DPF3: variants seen among roughly 807,000 people sequenced by gnomAD.
DPF3 encodes the protein double PHD fingers 3.
DPF3 carries 18 observed loss-of-function variants against 56.8 expected under a neutral mutation model. That is an observed-to-expected ratio of 0.32 (90% CI 0.22 to 0.47). DPF3 has a LOEUF of 0.47. Ranked by LOEUF, DPF3 falls within the 20% of genes least tolerant of loss-of-function variation. The pLI is 1.00. For synonymous variants in DPF3, 188 were observed against 180.2 expected (o/e 1.04, Z -0.35); for missense variants, 403 against 488.8 (o/e 0.82, Z 1.65).
intron 1 of DPF3, among the ~76,000 whole-genome samples, chr14:72,862,160 C>G (rs1885463624): frequency 6.6e-6 from 1 of 152,150 alleles, no homozygotes; most frequent in Non-Finnish European, 1.5e-5. Flanking sequence ...TTATAGCAAC[C>G]AGTTTGCATC....
At chr14:72,636,552 G>C (rs1054098813) in intron 8 of DPF3, among the ~76,000 whole-genome samples, 1 of 152,128 alleles carries the variant, frequency 6.6e-6, no homozygotes, top group African/African-American at 2.4e-5. Flanking sequence ...AGGAGGCTCA[G>C]TCATTATATT....
chr14:72,657,716 G>A (rs530764024), intron 8 of DPF3, among the ~76,000 whole-genome samples: 2 of 152,184 alleles, frequency 1.3e-5, no homozygotes, highest in South Asian at 4.2e-4. Context: ...GCCAAATCTG[G>A]CCAACTGCTT....
intron 1 of DPF3, among the ~76,000 whole-genome samples, chr14:72,863,100 A>ATATATATATATATATATGTG (rs1413440131): frequency 9.0e-6 from 1 of 110,624 alleles, no homozygotes; most frequent in African/African-American, 3.5e-5. Context: ...ATATATATAT[A>ATATATATATATATATATGTG]TGTGTGTGTA....
intron 2 of DPF3, among the ~76,000 whole-genome samples, chr14:72,757,932 T>A (rs1050045327): frequency 3.3e-5 from 5 of 151,984 alleles, no homozygotes; most frequent in African/African-American, 9.7e-5. Flanking sequence ...TGTGTTTGCA[T>A]GTTTTTTTTT....
intron 4 of DPF3, among the ~76,000 whole-genome samples, chr14:72,729,684 C>T (rs1289205541): frequency 6.6e-6 from 1 of 152,170 alleles, no homozygotes; most frequent in Non-Finnish European, 1.5e-5. Context: ...GAAAAGGCAA[C>T]ATACTGTGAG....
At chr14:72,861,799 G>GAAAGA (rs1458211109) in intron 1 of DPF3, among the ~76,000 whole-genome samples, 1 of 146,652 alleles carries the variant, frequency 6.8e-6, no homozygotes, top group Non-Finnish European at 1.5e-5. Context: ...AAGAAAGAAA[G>GAAAGA]AAAGAAGGAA....
At chr14:72,711,634 C>T (rs1422932633) in intron 6 of DPF3, among the ~76,000 whole-genome samples, 2 of 152,032 alleles carry the variant, frequency 1.3e-5, no homozygotes, top group Non-Finnish European at 2.9e-5. Flanking sequence ...TGGGGTGGGG[C>T]CCTAAGTCAA....
rs1482317259 is a variant in DPF3 at position 72,616,766 on chromosome 14, T to G, written c.*2531A>C. Among the ~76,000 whole-genome samples the G allele has an allele frequency of 6.6e-6, 1 of 152,208 alleles. No homozygotes were observed. The highest frequency in any genetic ancestry group is 1.5e-5 in the Non-Finnish European group (1 of 68,048). ...CATGCATCCTATGATTCTATCTCAT[T>G]CTCTGGGGTTCAAAAAAAAGAGACC... On this transcript the variant is annotated 3_prime_UTR_variant, in exon 11 of 11. Coordinates refer to ENST00000556509, the MANE Select transcript of DPF3 (RefSeq NM_001280542.3).
chr14:72,756,787 T>C (rs1285957991), intron 2 of DPF3, among the ~76,000 whole-genome samples: 1 of 133,992 alleles, frequency 7.5e-6, no homozygotes, highest in Non-Finnish European at 1.5e-5. Context: ...CTCCAGCCTA[T>C]ATGACAGAGC....
At position 72,609,725 on chromosome 14, in the gene DPF3, G is replaced by A. The variant is rs1222260394; in HGVS notation, c.*9572C>T. 1.3e-5 allele frequency among the ~76,000 whole-genome samples: 2 copies of A among 152,186 alleles called. No homozygotes were observed. Among genetic ancestry groups the A allele is most frequent in the Admixed American group, 6.5e-5 (1 of 15,282 alleles). ...GGACAGCTAACGGGGTGGGAGGTGG[G>A]AGCTTTTTGTTTGTCTGTTGCTGTC... On this transcript the variant is annotated 3_prime_UTR_variant, in exon 11 of 11. Transcript: ENST00000556509.
At chr14:72,736,281 G>T (rs1166127769) in intron 3 of DPF3, among the ~76,000 whole-genome samples, 13 of 152,118 alleles carry the variant, frequency 8.5e-5, no homozygotes, top group Admixed American at 6.5e-4. Context: ...AGTCTGGTGG[G>T]TATTTTCCAT....
chr14:72,892,474 A>C, intron 1 of DPF3: 1 of 1,425,962 alleles, frequency 7.0e-7, no homozygotes, highest in Non-Finnish European at 9.1e-7. Flanking sequence ...GCTTTCATAT[A>C]AATATATTTG....
intron 1 of DPF3, among the ~76,000 whole-genome samples, chr14:72,818,999 T>C (rs1883413211): frequency 6.6e-6 from 1 of 152,130 alleles, no homozygotes; most frequent in Non-Finnish European, 1.5e-5. Context: ...CCAGAATATA[T>C]AAAGAACTCT....
At chr14:72,889,711 T>G (rs922860602) in intron 1 of DPF3, among the ~76,000 whole-genome samples, 1 of 152,200 alleles carries the variant, frequency 6.6e-6, no homozygotes, top group Non-Finnish European at 1.5e-5. Context: ...GGTCATAGAA[T>G]GCACAAAGAG....
chr14:72,655,281 T>C (rs966239483), intron 8 of DPF3, among the ~76,000 whole-genome samples: 1 of 152,128 alleles, frequency 6.6e-6, no homozygotes, highest in African/African-American at 2.4e-5. Context: ...TATCTATATA[T>C]GTAACATATA....
intron 8 of DPF3, among the ~76,000 whole-genome samples, chr14:72,653,321 A>G (rs1885969927): frequency 6.6e-6 from 1 of 152,206 alleles, no homozygotes; most frequent in African/African-American, 2.4e-5. Flanking sequence ...CCGGGCCTCC[A>G]CGGAGTGGAT....
chr14:72,793,884 T>G (rs919772067), intron 1 of DPF3, among the ~76,000 whole-genome samples: 3 of 152,212 alleles, frequency 2.0e-5, no homozygotes, highest in Non-Finnish European at 4.4e-5. Flanking sequence ...GCCAGCTGGG[T>G]TCTCTGGCCA....
At chr14:72,738,608 G>A (rs988109576) in intron 3 of DPF3, among the ~76,000 whole-genome samples, 1 of 152,116 alleles carries the variant, frequency 6.6e-6, no homozygotes, top group African/African-American at 2.4e-5. Flanking sequence ...GACAGAGTGC[G>A]GGCAGCATTT....
intron 2 of DPF3, among the ~76,000 whole-genome samples, chr14:72,753,992 C>T (rs1281559372): frequency 6.6e-6 from 1 of 151,912 alleles, no homozygotes; most frequent in African/African-American, 2.4e-5. Flanking sequence ...ATATCCCCGC[C>T]TACATGCCTG....
Sources: allele counts gnomAD v4.1 joint callset (sites outside exome capture counted in the v4.1 genomes callset), GRCh38; gene constraint gnomAD v4.1.1; transcripts MANE v1.5; gene names NCBI Gene and HGNC (gene_info 2026-07-23, HGNC 2026-07-21).